PGM1: variants seen among roughly 807,000 people sequenced by gnomAD.
PGM1 encodes the protein phosphoglucomutase-1.
A neutral mutation model predicts 55.6 loss-of-function variants in PGM1; 52 were observed. That is an observed-to-expected ratio of 0.94 (90% confidence interval 0.75 to 1.18). The LOEUF (loss-of-function observed/expected upper bound fraction) is 1.18, where lower values mean the gene tolerates loss of function less well. Among genes scored for constraint, PGM1 ranks in the 50% most tolerant of loss-of-function variants. PGM1 has a pLI of 0.00. For missense variants in PGM1, 724 were observed against 729.3 expected, an observed-to-expected ratio of 0.99 and a Z score of 0.08; for synonymous variants, 287 against 271.7, an observed-to-expected ratio of 1.06 and a Z score of -0.55.
intron 1 of PGM1, among the ~76,000 whole-genome samples, chr1:63,618,044 A>G (rs1263486447): frequency 1.3e-5 from 2 of 152,240 alleles, no homozygotes; most frequent in Non-Finnish European, 2.9e-5. Context: ...TGTACAGGGC[A>G]TACTATAGCC....
At chr1:63,623,545 C>T (rs779942353) in intron 1 of PGM1, 2 of 1,612,494 alleles carry the variant, frequency 1.2e-6, no homozygotes, top group African/African-American at 2.7e-5. Context: ...TGCTACAGCT[C>T]CCTACCACGA....
chr1:63,593,815 G>A (rs1223125925), intron 1 of PGM1, 81 bp downstream of exon 1: 1 of 1,344,058 alleles, frequency 7.4e-7, no homozygotes, highest in Non-Finnish European at 9.4e-7. Flanking sequence ...CCTCGCTCGG[G>A]GCCGGCCGCT....
Position 63,631,655 on chromosome 1 carries a change from A to G in PGM1, c.557-2A>G. On this transcript the variant is annotated splice_acceptor_variant, in intron 3 of 10. Coordinates refer to ENST00000371084, the MANE Select transcript of PGM1 (RefSeq NM_002633.3). LOFTEE classifies it high-confidence loss of function. ...ATCTTTTGATGTTGCTTGTTCTCAC[A>G]GTGGAAATTGTGGATTCGGTAGAAG... The G allele has an allele frequency of 6.2e-7, 1 of 1,612,980 alleles. No individual in the cohort carries two copies. The highest frequency in any genetic ancestry group is 8.5e-7 in the Non-Finnish European group (1 of 1,178,990).
intron 1 of PGM1, among the ~76,000 whole-genome samples, chr1:63,623,982 A>T (rs1648956182): frequency 6.6e-6 from 1 of 152,168 alleles, no homozygotes; most frequent in African/African-American, 2.4e-5. Flanking sequence ...CTTCTTAGGT[A>T]TTATGCTGTG....
At chr1:63,643,017 C>T (rs530076602) in intron 7 of PGM1, among the ~76,000 whole-genome samples, 26 of 152,208 alleles carry the variant, frequency 1.7e-4, no homozygotes, top group African/African-American at 6.0e-4. Flanking sequence ...AGGGGTACTT[C>T]GGGAGCTTTA....
chr1:63,632,029 G>C (rs1434422830), intron 4 of PGM1, among the ~76,000 whole-genome samples: 1 of 152,190 alleles, frequency 6.6e-6, no homozygotes, highest in Non-Finnish European at 1.5e-5. Context: ...ATCAGGTTCT[G>C]AGTAACATGC....
At position 63,659,650 on chromosome 1, in the gene PGM1, G is replaced by C; in HGVS notation, c.1664G>C (p.Arg555Pro). 2 of 1,613,786 alleles carry C rather than the reference G, an allele frequency of 1.2e-6. No individual in the cohort carries two copies. The highest frequency in any genetic ancestry group is 8.5e-7 in the Non-Finnish European group (1 of 1,179,748). ...TCCCAGCTGCAGGAGAGGACGGGAC[G>C]CACTGCACCCACTGTCATCACCTAA... ...KVSQLQERTG[R>P]TAPTVIT Residue 555 changes from arginine (R) to proline (P), a missense_variant, in exon 11 of 11, where the codon CGC becomes CCC. Arg to Pro is a moderately radical substitution (Grantham distance 103). Transcript: ENST00000371084.
chr1:63,594,249 T>A, intron 1 of PGM1: 2 of 537,988 alleles, frequency 3.7e-6, no homozygotes, highest in Non-Finnish European at 4.7e-6. Context: ...CCCGACACTG[T>A]GGGGCAAGGG....
chr1:63,603,440 A>G (rs2100958937), intron 1 of PGM1, among the ~76,000 whole-genome samples: 1 of 152,362 alleles, frequency 6.6e-6, no homozygotes, highest in East Asian at 1.9e-4. Context: ...ACTGGGTTGA[A>G]TTAAAACCAG....
intron 1 of PGM1, among the ~76,000 whole-genome samples, chr1:63,628,700 A>G (rs1475062625): frequency 6.6e-6 from 1 of 152,194 alleles, no homozygotes; most frequent in African/African-American, 2.4e-5. Context: ...AGCAGTACTG[A>G]TACCATCTGT....
chr1:63,604,915 C>CTGTG (rs1323081884), intron 1 of PGM1, among the ~76,000 whole-genome samples: 3 of 59,024 alleles, frequency 5.1e-5, no homozygotes, highest in African/African-American at 1.8e-4. Flanking sequence ...AGTTACATAA[C>CTGTG]TCTGTGTGTG....
At chr1:63,631,879 C>T in intron 4 of PGM1, 97 bp downstream of exon 4, 1 of 1,179,884 alleles carries the variant, frequency 8.5e-7, no homozygotes, top group African/African-American at 1.5e-5. Flanking sequence ...TTTCTCAAGT[C>T]TCTCTGATGG....
At chr1:63,657,854 G>A (rs1351692095) in intron 10 of PGM1, among the ~76,000 whole-genome samples, 1 of 152,196 alleles carries the variant, frequency 6.6e-6, no homozygotes, top group African/African-American at 2.4e-5. Flanking sequence ...TCAACCAAAG[G>A]CAATGGGGTC....
chr1:63,624,643 C>T (rs183193349), intron 1 of PGM1, among the ~76,000 whole-genome samples: 7 of 152,240 alleles, frequency 4.6e-5, no homozygotes, highest in African/African-American at 1.4e-4. Flanking sequence ...GCACATAGTC[C>T]TTCAGTACCT....
chr1:63,641,250 C>T (rs908955723), intron 7 of PGM1, among the ~76,000 whole-genome samples: 1 of 152,202 alleles, frequency 6.6e-6, no homozygotes, highest in South Asian at 2.1e-4. Flanking sequence ...AGAGAATGCT[C>T]TTCATTATCA....
intron 1 of PGM1, among the ~76,000 whole-genome samples, chr1:63,610,258 T>C (rs1648530837): frequency 6.6e-6 from 1 of 152,174 alleles, no homozygotes; most frequent in Non-Finnish European, 1.5e-5. Context: ...AACTGTAATG[T>C]TGCTTCAGGA....
chr1:63,629,033 G>A (rs1007059853), intron 1 of PGM1, among the ~76,000 whole-genome samples: 9 of 152,026 alleles, frequency 5.9e-5, no homozygotes, highest in Non-Finnish European at 8.8e-5. Context: ...CTTTTCTCCC[G>A]TTGTGGATTG....
chr1:63,656,238 C>T (rs1330985769), intron 10 of PGM1, among the ~76,000 whole-genome samples: 1 of 152,170 alleles, frequency 6.6e-6, no homozygotes, highest in African/African-American at 2.4e-5. Context: ...GCTGTCACCT[C>T]ACACCTGTTA....
intron 4 of PGM1, 26 bp from the exon 5 acceptor site, chr1:63,634,803 A>C: frequency 1.3e-6 from 2 of 1,592,464 alleles, no homozygotes; most frequent in Non-Finnish European, 1.7e-6. Context: ...CTGATTCTGC[A>C]TACATTTATT....
Sources: gnomAD v4.1 joint callset for allele counts (sites outside exome capture counted in the v4.1 genomes callset) on GRCh38, gnomAD v4.1.1 for gene constraint, MANE v1.5 for transcripts, NCBI Gene and HGNC (gene_info 2026-07-23, HGNC 2026-07-21) for gene names.